The following BTG4 variants were observed in gnomAD, a reference collection of about 807,000 sequenced individuals.
BTG4 encodes protein BTG4.
BTG4 carries 10 observed loss-of-function variants against 19.3 expected under a neutral mutation model. That is an observed-to-expected ratio of 0.52 (90% CI 0.32 to 0.88). The LOEUF (loss-of-function observed/expected upper bound fraction) is 0.88, where lower values mean the gene tolerates loss of function less well. BTG4 is among the 40% of genes least tolerant of loss of function. The probability of loss-of-function intolerance (pLI) is 0.04; values close to 1 mark genes in which losing one functional copy is unlikely to be tolerated. For synonymous variants in BTG4, 91 were observed against 95.7 expected (o/e 0.95, Z 0.29); for missense variants, 238 against 281.9 (o/e 0.84, Z 1.11).
the BTG4 span, among the ~76,000 whole-genome samples, chr11:111,407,014 A>C: frequency 6.6e-6 from 1 of 152,142 alleles, no homozygotes; most frequent in African/African-American, 2.4e-5. Context: ...TTTGGATAAC[A>C]ATCACACTTA....
At chr11:111,389,422 T>G in the BTG4 span, among the ~76,000 whole-genome samples, 1 of 152,158 alleles carries the variant, frequency 6.6e-6, no homozygotes, top group South Asian at 2.1e-4. Flanking sequence ...AATTAAGGAT[T>G]AACTCTACCT....
chr11:111,497,441 A>G (rs1403966110), intron 3 of BTG4, 32 bp from the exon 4 acceptor site: 1 of 1,325,408 alleles, frequency 7.5e-7, no homozygotes, highest in African/African-American at 1.5e-5. Context: ...AGTGCTAATT[A>G]GCGATTCAAC....
the BTG4 span, among the ~76,000 whole-genome samples, chr11:111,446,432 A>C: frequency 6.6e-6 from 1 of 152,164 alleles, no homozygotes; most frequent in East Asian, 1.9e-4. Flanking sequence ...GTCAGCCTTC[A>C]CTGAGAGCTT....
the BTG4 span, among the ~76,000 whole-genome samples, chr11:111,420,772 A>T: frequency 6.6e-6 from 1 of 152,272 alleles, no homozygotes; most frequent in Non-Finnish European, 1.5e-5. Context: ...GCCAAGCATT[A>T]TGCTGAGTGG....
the BTG4 span, among the ~76,000 whole-genome samples, chr11:111,441,255 T>C: frequency 6.6e-6 from 1 of 151,792 alleles, no homozygotes; most frequent in African/African-American, 2.4e-5. Context: ...AAAGAAAATC[T>C]CATAATGTAA....
chr11:111,402,885 C>A, the BTG4 span, among the ~76,000 whole-genome samples: 1 of 152,010 alleles, frequency 6.6e-6, no homozygotes, highest in Non-Finnish European at 1.5e-5. Context: ...AATAATAATA[C>A]ATCAGAAATG....
chr11:111,451,331 C>T, the BTG4 span: 22 of 440,362 alleles, frequency 5.0e-5, no homozygotes, highest in South Asian at 1.7e-4. Context: ...ATGAGCAAAG[C>T]CTCAGCCTCT....
At chr11:111,436,621 C>T in the BTG4 span, among the ~76,000 whole-genome samples, 1 of 119,806 alleles carries the variant, frequency 8.3e-6, no homozygotes, top group Admixed American at 9.4e-5. Context: ...GAGCAAAACT[C>T]CGTCTCAAAA....
chr11:111,406,288 T>A, the BTG4 span, among the ~76,000 whole-genome samples: 6 of 152,158 alleles, frequency 3.9e-5, no homozygotes, highest in African/African-American at 1.4e-4. Flanking sequence ...TACACACTAA[T>A]GTGTTTTGAT....
upstream of BTG4, chr11:111,512,977 G>T (rs781024284): frequency 2.1e-6 from 1 of 471,668 alleles, no homozygotes; most frequent in East Asian, 6.9e-5. Flanking sequence ...TGATTGTACT[G>T]TGGTGGTTAC....
At chr11:111,473,081 G>GA (rs149225761) in intron 5 of BTG4, among the ~76,000 whole-genome samples, 2,190 of 132,292 alleles carry the variant, frequency 0.017, 54 homozygotes, top group African/African-American at 0.052. Context: ...GCCTAGAAGT[G>GA]AAAAAAAAAA....
At chr11:111,384,114 G>A in the BTG4 span, among the ~76,000 whole-genome samples, 2 of 152,118 alleles carry the variant, frequency 1.3e-5, no homozygotes, top group Non-Finnish European at 2.9e-5. Flanking sequence ...TATTCTAATA[G>A]TTTGTTGGTT....
chr11:111,459,209 T>G, the BTG4 span, among the ~76,000 whole-genome samples: 1 of 151,852 alleles, frequency 6.6e-6, no homozygotes, highest in Non-Finnish European at 1.5e-5. Flanking sequence ...ATCATTGTAC[T>G]CCAGTCTGGG....
chr11:111,412,689 A>G, the BTG4 span, among the ~76,000 whole-genome samples: 3 of 152,276 alleles, frequency 2.0e-5, no homozygotes, highest in African/African-American at 7.2e-5. Flanking sequence ...TTTATAGGAA[A>G]GAAAACAGAA....
At chr11:111,426,716 C>T in the BTG4 span, among the ~76,000 whole-genome samples, 1 of 152,178 alleles carries the variant, frequency 6.6e-6, no homozygotes, top group African/African-American at 2.4e-5. Flanking sequence ...CCCTCTTCAC[C>T]AGCACCCAAG....
chr11:111,435,598 G>A, the BTG4 span, among the ~76,000 whole-genome samples: 6 of 152,198 alleles, frequency 3.9e-5, no homozygotes, highest in Non-Finnish European at 7.4e-5. Flanking sequence ...TTGGCCCTGG[G>A]AAGAGCAAAC....
intron 1 of BTG4, among the ~76,000 whole-genome samples, chr11:111,506,654 TG>T (rs1866473440): frequency 6.6e-6 from 1 of 152,024 alleles, no homozygotes; most frequent in South Asian, 2.1e-4. Context: ...TAATTCAGAG[TG>T]TAAGAAAATG....
downstream of BTG4, among the ~76,000 whole-genome samples, chr11:111,490,636 T>C (rs905335288): frequency 1.3e-5 from 2 of 152,164 alleles, no homozygotes; most frequent in African/African-American, 4.8e-5. Flanking sequence ...TCAAACAAGA[T>C]ATTCAGATGC....
the BTG4 span, among the ~76,000 whole-genome samples, chr11:111,391,310 C>G: frequency 1.3e-5 from 2 of 152,136 alleles, no homozygotes; most frequent in African/African-American, 4.8e-5. Context: ...AGTCTTGAGC[C>G]AACACACCCA....
Sources: gnomAD v4.1 joint callset for allele counts (sites outside exome capture counted in the v4.1 genomes callset) on GRCh38, gnomAD v4.1.1 for gene constraint, MANE v1.5 for transcripts, NCBI Gene and HGNC (gene_info 2026-07-23, HGNC 2026-07-21) for gene names.